The following MEF2C variants were observed in gnomAD, a reference collection of about 807,000 sequenced individuals.
MEF2C encodes myocyte enhancer factor 2C.
MEF2C carries 6 observed loss-of-function variants against 50.5 expected under a neutral mutation model. That is an observed-to-expected ratio of 0.12 (90% confidence interval 0.07 to 0.23). The LOEUF (loss-of-function observed/expected upper bound fraction) is 0.23, where lower values mean the gene tolerates loss of function less well. Ranked by LOEUF, MEF2C falls within the 10% of genes least tolerant of loss-of-function variation. The pLI is 1.00. For missense variants in MEF2C, 276 were observed against 605.0 expected (o/e 0.46, Z 5.70); for synonymous variants, 183 against 228.0 (o/e 0.80, Z 1.78).
intron 1 of MEF2C, among the ~76,000 whole-genome samples, chr5:88,836,579 C>A (rs1481869901): frequency 1.3e-5 from 2 of 152,134 alleles, no homozygotes; most frequent in East Asian, 3.8e-4. Context: ...AATGTTTCCT[C>A]CATACAATCC....
rs1322552264 is a variant in MEF2C, at chr5:88,751,947, G to A, written c.499C>T (p.Pro167Ser). 5 of 1,613,866 alleles carry A rather than the reference G, an allele frequency of 3.1e-6. No individual in the cohort carries two copies. The highest frequency in any genetic ancestry group is 2.2e-5 in the East Asian group (1 of 44,902). ...YSNPVSSLGN[P>S]NLLPLAHPSL... ...GGGTGAGCCAGTGGCAATAGGTTGGGGTTTCCCAGTGAGCTGACAGGGTTG... is the reference window on the plus strand; with the variant it reads ...GGGTGAGCCAGTGGCAATAGGTTGGAGTTTCCCAGTGAGCTGACAGGGTTG... The change falls in exon 5 of 11, where the codon CCC becomes TCC. Residue 167 changes from proline (P) to serine (S), a missense_variant. Pro to Ser is a moderately conservative substitution (Grantham distance 74). This residue lies in a region of MEF2C where 256 missense variants were observed against 468.1 expected (regional missense o/e 0.55). Coordinates refer to ENST00000504921, the MANE Select transcript of MEF2C (RefSeq NM_002397.5).
Position 88,824,263 on chromosome 5 carries a change from G to A in MEF2C, c.-142-333C>T, listed in dbSNP as rs145284455. 17 of 838,124 alleles carry A rather than the reference G, an allele frequency of 2.0e-5. No homozygotes were observed. The East Asian group carries it at 8.9e-4, about 44-fold the overall frequency. 51.9% of individuals were successfully genotyped at this position (838,124 alleles called of 1,614,324 possible). On this transcript the variant is annotated intron_variant, in intron 1 of 10. Transcript: ENST00000504921. ...ATGAAATTAGGTGACAATTTCACCCGTTATGAAAAATTACCTAAATCAGAG... is the reference window on the plus strand; with the variant it reads ...ATGAAATTAGGTGACAATTTCACCCATTATGAAAAATTACCTAAATCAGAG...
chr5:88,733,888 A>G (rs1363798434), intron 6 of MEF2C: 1 of 985,310 alleles, frequency 1.0e-6, no homozygotes, highest in Non-Finnish European at 1.2e-6. Context: ...CTTCTATAAG[A>G]AAACTTCTGG....
At chr5:88,844,948 C>T (rs1464356381) in intron 1 of MEF2C, among the ~76,000 whole-genome samples, 2 of 152,122 alleles carry the variant, frequency 1.3e-5, no homozygotes, top group African/African-American at 4.8e-5. Context: ...TTGAACATGT[C>T]TTATCTAATA....
At chr5:88,886,240 A>G (rs1200622984), upstream of MEF2C, among the ~76,000 whole-genome samples, 1 of 152,348 alleles carries the variant, frequency 6.6e-6, no homozygotes, top group Non-Finnish European at 1.5e-5. Flanking sequence ...AAAATTATTC[A>G]TGAGTAATCC....
upstream of MEF2C, chr5:88,883,323 A>G (rs1248448458): frequency 3.9e-5 from 6 of 152,302 alleles, no homozygotes; most frequent in African/African-American, 1.5e-4. Flanking sequence ...AGGAGGAAGA[A>G]GGAGGAGGAA....
intron 2 of MEF2C, among the ~76,000 whole-genome samples, chr5:88,814,173 TC>T (rs1804213044): frequency 6.6e-6 from 1 of 152,126 alleles, no homozygotes; most frequent in Non-Finnish European, 1.5e-5. Context: ...TTTCTCCACC[TC>T]CCTTGTTCCT....
chr5:88,863,274 TCAA>T (rs1561389982), intron 1 of MEF2C, among the ~76,000 whole-genome samples: 1 of 152,228 alleles, frequency 6.6e-6, no homozygotes, highest in African/African-American at 2.4e-5. Flanking sequence ...ACTGAATTCC[TCAA>T]CAACAGAGTT....
At chr5:88,776,036 T>C (rs981766395) in intron 3 of MEF2C, 4 of 154,326 alleles carry the variant, frequency 2.6e-5, no homozygotes, top group African/African-American at 7.2e-5. Context: ...TAAGGAAATT[T>C]CTATTCCTAG....
intron 3 of MEF2C, among the ~76,000 whole-genome samples, chr5:88,764,535 C>A (rs150956663): frequency 2.0e-5 from 3 of 151,632 alleles, no homozygotes; most frequent in African/African-American, 7.2e-5. Context: ...ATTGTCCAGG[C>A]GTGGTGGCTC....
intron 2 of MEF2C, among the ~76,000 whole-genome samples, chr5:88,822,642 A>G (rs1372516996): frequency 6.6e-6 from 1 of 152,000 alleles, no homozygotes; most frequent in Non-Finnish European, 1.5e-5. Context: ...AAACAACATT[A>G]CATTTAAAAA....
In MEF2C at chr5:88,760,013, A is replaced by C. The variant is rs564537058; in HGVS notation, c.402+1172T>G. Among the ~76,000 whole-genome samples, 7 of 152,288 alleles carry C rather than the reference A, an allele frequency of 4.6e-5. No individual in the cohort carries two copies. The South Asian group carries it at 1.4e-3, about 32-fold the overall frequency. On this transcript the variant is annotated intron_variant, in intron 4 of 10. Coordinates refer to ENST00000504921, the MANE Select transcript of MEF2C (RefSeq NM_002397.5). ...TTCACTTCAGTCTCTCTCATTTCTC[A>C]GGTTTAGGCTGTTTTGCTAACTTAC...
intron 6 of MEF2C, among the ~76,000 whole-genome samples, chr5:88,745,409 G>C (rs1008706807): frequency 1.3e-5 from 2 of 152,264 alleles, no homozygotes; most frequent in African/African-American, 4.8e-5. Flanking sequence ...GGATGACAAA[G>C]AGTGCTCAAT....
intron 3 of MEF2C, chr5:88,766,504 A>T: frequency 4.1e-6 from 1 of 241,198 alleles, no homozygotes; most frequent in Non-Finnish European, 6.7e-6. Flanking sequence ...TTTTTATATT[A>T]ATGCTATTTA....
At chr5:88,833,973 G>C (rs1814039603) in intron 1 of MEF2C, among the ~76,000 whole-genome samples, 1 of 152,106 alleles carries the variant, frequency 6.6e-6, no homozygotes, top group African/African-American at 2.4e-5. Context: ...TGAGCTAAAT[G>C]GCCTTCAGGA....
In MEF2C at chr5:88,824,394, G is replaced by A. The variant is rs1809923291; in HGVS notation, c.-142-464C>T. On this transcript the variant is annotated intron_variant, in intron 1 of 10. Transcript: ENST00000504921. ...GACAGCAGAGGTGATAACGTCCCTC[G>A]TTATGCAAATAGGATGGACGATTAT... is the stretch of plus-strand genomic sequence containing the variant. 9.3e-6 allele frequency: 9 copies of A among 969,496 alleles called. No individual in the cohort carries two copies. In the South Asian group the frequency reaches 1.4e-4, roughly 15 times the overall value. The allele number at this position is 969,496 out of a possible 1,614,324, so 60.1% of individuals were successfully genotyped here. A position where few individuals can be genotyped will look rare whatever the true frequency, so the allele number is the denominator to read the frequency against.
intron 1 of MEF2C, among the ~76,000 whole-genome samples, chr5:88,852,492 A>T (rs1821742243): frequency 6.6e-6 from 1 of 152,232 alleles, no homozygotes; most frequent in Admixed American, 6.5e-5. Flanking sequence ...CTGTACAACA[A>T]TAAAACTTTC....
chr5:88,886,824 G>A (rs763135420), upstream of MEF2C, among the ~76,000 whole-genome samples: 1 of 152,108 alleles, frequency 6.6e-6, no homozygotes, highest in Non-Finnish European at 1.5e-5. Context: ...CATGCTCCTC[G>A]GGATTTTAAC....
chr5:88,862,818 CCA>C lies in MEF2C; in HGVS notation c.-143+20135_-143+20136del, dbSNP rs1346838600. Among the ~76,000 whole-genome samples, 9 of 152,066 alleles carry C rather than the reference CCA, an allele frequency of 5.9e-5. No individual in the cohort carries two copies. In the South Asian group the frequency reaches 1.2e-3, roughly 21 times the overall value. On this transcript the variant is annotated intron_variant, in intron 1 of 10. Coordinates refer to ENST00000504921, the MANE Select transcript of MEF2C (RefSeq NM_002397.5). ...GTCCTCCCAGTTACCTTGAGATCTG[CCA>C]CAGTGAGGTTTCTATGGCATACCAG...
Sources: gnomAD v4.1 joint callset for allele counts (sites outside exome capture counted in the v4.1 genomes callset) on GRCh38, gnomAD v4.1.1 for gene constraint, gnomAD v4.1.1 regional missense constraint, MANE v1.5 for transcripts, NCBI Gene and HGNC (gene_info 2026-07-23, HGNC 2026-07-21) for gene names.